Variants in TENM3 observed in about 807,000 individuals in gnomAD.
TENM3 encodes the protein teneurin transmembrane protein 3.
In TENM3, 63 loss-of-function variants were observed where a neutral mutation model predicts 255.1. That is an observed-to-expected ratio of 0.25 (90% confidence interval 0.20 to 0.30). The LOEUF is 0.30. Ranked by LOEUF, TENM3 falls within the 10% of genes least tolerant of loss-of-function variation. TENM3 has a pLI of 1.00. For missense variants in TENM3, 2,929 were observed against 3,461.1 expected, an observed-to-expected ratio of 0.85 and a Z score of 3.86; for synonymous variants, 1,306 against 1,322.3, an observed-to-expected ratio of 0.99 and a Z score of 0.27.
the TENM3 span, among the ~76,000 whole-genome samples, chr4:181,565,115 G>T: frequency 6.6e-6 from 1 of 152,194 alleles, no homozygotes; most frequent in Non-Finnish European, 1.5e-5. Flanking sequence ...CGTTTAAACT[G>T]TTCTCAACTG....
chr4:181,772,324 G>T, the TENM3 span, among the ~76,000 whole-genome samples: 1 of 152,032 alleles, frequency 6.6e-6, no homozygotes, highest in Non-Finnish European at 1.5e-5. Flanking sequence ...GTTGCAGTGA[G>T]CTGAGATCAG....
the TENM3 span, among the ~76,000 whole-genome samples, chr4:181,905,066 A>C: frequency 6.6e-6 from 1 of 152,148 alleles, no homozygotes; most frequent in Non-Finnish European, 1.5e-5. Flanking sequence ...TAAGTCAAAA[A>C]AGTCAAAAAG....
intron 3 of TENM3, among the ~76,000 whole-genome samples, chr4:182,389,153 C>T (rs1055279854): frequency 2.0e-5 from 3 of 152,282 alleles, no homozygotes; most frequent in Middle Eastern, 3.4e-3. Flanking sequence ...TGTTTTCCAA[C>T]TTTTCATCCT....
intron 1 of TENM3, among the ~76,000 whole-genome samples, chr4:182,319,768 A>G (rs902956160): frequency 2.6e-5 from 4 of 152,226 alleles, no homozygotes; most frequent in Admixed American, 2.6e-4. Flanking sequence ...CAAGATTATA[A>G]AATGGTATCA....
At chr4:182,371,229 T>TCACACACACACACACACACA (rs3221610) in intron 3 of TENM3, among the ~76,000 whole-genome samples, 1 of 144,218 alleles carries the variant, frequency 6.9e-6, no homozygotes, top group Non-Finnish European at 1.5e-5. Flanking sequence ...CTCCTCCCCA[T>TCACACACACACACACACACA]CACACACACA....
In TENM3 at chr4:182,736,854, C is replaced by G; in HGVS notation, c.3014C>G (p.Ser1005Cys). 6.2e-7 allele frequency: 1 copy of G among 1,613,676 alleles called. No homozygotes were observed. The highest frequency in any genetic ancestry group is 8.5e-7 in the Non-Finnish European group (1 of 1,179,726). Residue 1005 changes from serine to cysteine, a missense_variant, in exon 17 of 28, where the codon TCC becomes TGC. This residue lies in a region of TENM3 where 1,608 missense variants were observed against 1,884.4 expected (regional missense o/e 0.85). Transcript: ENST00000511685. ...ATTCCAGGAACAGATTTGAAACTCT[C>G]CTACTTGAGTTCCAGAGCTGCAGGG... ...TTIPGTDLKL[S>C]YLSSRAAGYK...
chr4:181,549,196 T>C, the TENM3 span, among the ~76,000 whole-genome samples: 321 of 152,198 alleles, frequency 2.1e-3, no homozygotes, highest in Non-Finnish European at 1.5e-3. Context: ...AGAGGTCCCT[T>C]TGACTAGGGA....
At chr4:181,528,240 A>C in the TENM3 span, among the ~76,000 whole-genome samples, 2 of 152,200 alleles carry the variant, frequency 1.3e-5, no homozygotes, top group Non-Finnish European at 2.9e-5. Context: ...TTTAAAAATA[A>C]AGCTATCTAG....
At chr4:182,242,551 A>G (rs1757350963), upstream of TENM3, among the ~76,000 whole-genome samples, 1 of 152,128 alleles carries the variant, frequency 6.6e-6, no homozygotes, top group South Asian at 2.1e-4. Context: ...GCTTGAGCCC[A>G]GGAGTTTGAG....
the TENM3 span, among the ~76,000 whole-genome samples, chr4:181,664,425 G>T: frequency 2.7e-5 from 4 of 150,722 alleles, no homozygotes; most frequent in Non-Finnish European, 5.9e-5. Flanking sequence ...GGCCCAGGTC[G>T]CACCACTGCA....
intron 1 of TENM3, among the ~76,000 whole-genome samples, chr4:182,268,081 C>T (rs1759359511): frequency 6.6e-6 from 1 of 152,096 alleles, no homozygotes; most frequent in Non-Finnish European, 1.5e-5. Flanking sequence ...CAGCTTAGTT[C>T]CAATAGTTGC....
intron 22 of TENM3, among the ~76,000 whole-genome samples, chr4:182,763,787 C>T (rs552130646): frequency 6.6e-6 from 1 of 152,228 alleles, no homozygotes; most frequent in Non-Finnish European, 1.5e-5. Flanking sequence ...ATGACTAAAC[C>T]TCAAACCTTT....
At chr4:181,605,584 G>GAAAGATAGAAAGAAA in the TENM3 span, among the ~76,000 whole-genome samples, 13 of 69,142 alleles carry the variant, frequency 1.9e-4, 1 homozygote, top group Non-Finnish European at 3.6e-4. Context: ...GAGAAAGAAA[G>GAAAGATAGAAAGAAA]GAAAGAAAGA....
intron 6 of TENM3, among the ~76,000 whole-genome samples, chr4:182,659,810 C>G (rs1754066669): frequency 6.6e-6 from 1 of 152,188 alleles, no homozygotes; most frequent in Non-Finnish European, 1.5e-5. Context: ...AGTCAGAAGC[C>G]TTTAAATGAC....
chr4:182,217,986 G>A (rs138284408), intron 1 of TENM3, among the ~76,000 whole-genome samples: 15 of 152,300 alleles, frequency 9.8e-5, no homozygotes, highest in African/African-American at 3.6e-4. Context: ...GACAGTCATC[G>A]GAGTAACAGT....
At chr4:182,360,127 A>T (rs1765855999) in intron 3 of TENM3, among the ~76,000 whole-genome samples, 1 of 145,454 alleles carries the variant, frequency 6.9e-6, no homozygotes, top group African/African-American at 2.5e-5. Flanking sequence ...TGCTGAGGAG[A>T]GCTTTACTTC....
chr4:182,703,503 A>G (rs1758047256), intron 12 of TENM3, among the ~76,000 whole-genome samples: 1 of 152,244 alleles, frequency 6.6e-6, no homozygotes, highest in African/African-American at 2.4e-5. Context: ...AAACTCTCAT[A>G]GAAAGTGGGT....
At chr4:181,950,939 G>A in the TENM3 span, among the ~76,000 whole-genome samples, 1 of 152,064 alleles carries the variant, frequency 6.6e-6, no homozygotes, top group Admixed American at 6.5e-5. Context: ...CTACTCGGGA[G>A]GCTGAAGCAG....
chr4:182,034,565 G>T, the TENM3 span, among the ~76,000 whole-genome samples: 1 of 152,262 alleles, frequency 6.6e-6, no homozygotes, highest in East Asian at 1.9e-4. Context: ...AGGAGCTCTT[G>T]TAAGGCAGGC....
Sources: gnomAD v4.1 joint callset for allele counts (sites outside exome capture counted in the v4.1 genomes callset) on GRCh38, gnomAD v4.1.1 for gene constraint, gnomAD v4.1.1 regional missense constraint, MANE v1.5 for transcripts, NCBI Gene and HGNC (gene_info 2026-07-23, HGNC 2026-07-21) for gene names.